The following ACSBG2 variants were observed in gnomAD, a reference collection of about 807,000 sequenced individuals.
ACSBG2 encodes the protein long-chain-fatty-acid--CoA ligase ACSBG2.
In ACSBG2, 62 loss-of-function variants were observed where a neutral mutation model predicts 74.7. That is an observed-to-expected ratio of 0.83 (90% confidence interval 0.68 to 1.03). The LOEUF is 1.03. Among genes scored for constraint, ACSBG2 ranks in the 50% least tolerant of loss-of-function variants. ACSBG2 has a pLI of 0.00. For missense variants in ACSBG2, 730 were observed against 817.6 expected (o/e 0.89, Z 1.31); for synonymous variants, 309 against 294.1 (o/e 1.05, Z -0.52).
intron 10 of ACSBG2, among the ~76,000 whole-genome samples, chr19:6,184,929 T>C (rs1290214418): frequency 6.7e-6 from 1 of 148,900 alleles, no homozygotes; most frequent in Non-Finnish European, 1.5e-5. Flanking sequence ...TTTGTTTTTG[T>C]TTTTGTTTTT....
At chr19:6,190,808 T>TACAAAC in intron 14 of ACSBG2, 116 bp downstream of exon 14, 1 of 387,396 alleles carries the variant, frequency 2.6e-6, no homozygotes, top group Non-Finnish European at 4.7e-6. Context: ...CATACACACA[T>TACAAAC]ACATACACAC....
rs1329817957 is a variant in ACSBG2, at chr19:6,180,935, C to T, written c.907-1816C>T. 4.0e-5 allele frequency among the ~76,000 whole-genome samples: 6 copies of T among 151,628 alleles called. No individual in the cohort carries two copies. The highest frequency in any genetic ancestry group is 4.8e-5 in the African/African-American group (2 of 41,262). On this transcript the variant is annotated intron_variant, in intron 8 of 14. Coordinates refer to ENST00000588485, the MANE Select transcript of ACSBG2 (RefSeq NM_030924.5). The surrounding 1 kb of genome is among the most constrained non-coding windows in gnomAD (Gnocchi z 4.3). ...AGTAAAAGCCAGGCACGGCGGCTCA[C>T]GCCTGTAATCCCAGTACTTTGGGAG... is the stretch of plus-strand genomic sequence containing the variant.
intron 13 of ACSBG2, chr19:6,190,299 T>C (rs1166889365): frequency 2.8e-6 from 1 of 360,250 alleles, no homozygotes; most frequent in Non-Finnish European, 5.3e-6. Flanking sequence ...GGGTATGGTT[T>C]GAGATGATGA....
At chr19:6,172,941 C>A (rs193282223) in intron 7 of ACSBG2, among the ~76,000 whole-genome samples, 1 of 152,276 alleles carries the variant, frequency 6.6e-6, no homozygotes, top group East Asian at 1.9e-4. Context: ...CTCTATCACA[C>A]CCCTGTCATG....
chr19:6,159,850 T>A (rs966410705), intron 5 of ACSBG2, among the ~76,000 whole-genome samples: 2 of 152,166 alleles, frequency 1.3e-5, no homozygotes, highest in Non-Finnish European at 2.9e-5. Flanking sequence ...CATCCTGGAC[T>A]TTTTGTATCC....
intron 6 of ACSBG2, among the ~76,000 whole-genome samples, chr19:6,165,499 C>A (rs796405772): frequency 6.6e-6 from 1 of 152,186 alleles, no homozygotes; most frequent in Non-Finnish European, 1.5e-5. Context: ...GGGAAGGCAG[C>A]GAACAAATAA....
chr19:6,163,734 G>A (rs2089703576), intron 6 of ACSBG2, among the ~76,000 whole-genome samples: 1 of 143,430 alleles, frequency 7.0e-6, no homozygotes, highest in Non-Finnish European at 1.5e-5. Context: ...CAGCCTGGGC[G>A]ACAGAGCAAG....
chr19:6,183,500 C>T (rs1431822533), intron 10 of ACSBG2, among the ~76,000 whole-genome samples: 2 of 152,182 alleles, frequency 1.3e-5, no homozygotes, highest in Non-Finnish European at 2.9e-5. Flanking sequence ...CCATGGTCTC[C>T]CCGTTTGTCA....
At chr19:6,158,094 C>T (rs1254322268) in intron 5 of ACSBG2, among the ~76,000 whole-genome samples, 1 of 147,492 alleles carries the variant, frequency 6.8e-6, no homozygotes, top group African/African-American at 2.5e-5. Flanking sequence ...CTCGCTCTGT[C>T]GCCCAGGTTG....
chr19:6,190,849 ACACT>A (rs1469070649), intron 14 of ACSBG2, 157 bp downstream of exon 14: 176 of 546,152 alleles, frequency 3.2e-4, no homozygotes, highest in Middle Eastern at 5.0e-4. Context: ...ACACACACAC[ACACT>A]CTTAGTTGCA....
At chr19:6,163,120 C>T (rs914854289) in intron 6 of ACSBG2, among the ~76,000 whole-genome samples, 2 of 105,690 alleles carry the variant, frequency 1.9e-5, no homozygotes, top group South Asian at 3.1e-4. Context: ...ACTAAAAATA[C>T]AAATAATAAT....
At chr19:6,153,880 A>AAAG (rs55724971) in intron 4 of ACSBG2, among the ~76,000 whole-genome samples, 2 of 107,696 alleles carry the variant, frequency 1.9e-5, no homozygotes, top group Admixed American at 2.4e-4. Flanking sequence ...AAAGAAAAGA[A>AAAG]AAGGAAAAGA....
In ACSBG2 at chr19:6,183,045, T is replaced by C; in HGVS notation, c.1095T>C (p.Tyr365=). 6.2e-7 allele frequency: 1 copy of C among 1,614,148 alleles called. No individual in the cohort carries two copies. The highest frequency in any genetic ancestry group is 8.5e-7 in the Non-Finnish European group (1 of 1,180,016). ...ACGGCATTCTTATTCACAGGAAATA[T>C]AATACTCCCGTGAGCTACCGCATGG... ...KVNSKKMLGK[Y]NTPVSYRMAK... Residue 365 remains tyrosine (Y), a synonymous_variant, in exon 10 of 15, where the codon TAT becomes TAC. Coordinates refer to ENST00000588485, the MANE Select transcript of ACSBG2 (RefSeq NM_030924.5).
intron 5 of ACSBG2, among the ~76,000 whole-genome samples, chr19:6,160,160 G>A (rs962967994): frequency 2.0e-5 from 3 of 152,078 alleles, no homozygotes; most frequent in African/African-American, 7.2e-5. Context: ...GGAGGCTGAG[G>A]TGGGCGGATC....
chr19:6,187,233 G>A lies in ACSBG2; in HGVS notation c.1541-50G>A, dbSNP rs770195092. ...TTGGCCAGGCTGGTCTCAAACTGGG[G>A]GTTCCACGTTGTCATGGCTGGACAT... is the stretch of plus-strand genomic sequence containing the variant. On this transcript the variant is annotated intron_variant, in intron 11 of 14. Coordinates refer to ENST00000588485, the MANE Select transcript of ACSBG2 (RefSeq NM_030924.5). The A allele has an allele frequency of 6.2e-6, 10 of 1,610,106 alleles. No homozygotes were observed. In the East Asian group the frequency reaches 2.0e-4, roughly 32 times the overall value.
intron 4 of ACSBG2, 39 bp downstream of exon 4, chr19:6,151,834 G>A: frequency 6.4e-7 from 1 of 1,551,198 alleles, no homozygotes; most frequent in African/African-American, 1.4e-5. Context: ...GGGTTAAGGA[G>A]CCGCTACCCT....
chr19:6,172,345 G>A (rs1362460737), intron 7 of ACSBG2, among the ~76,000 whole-genome samples: 1 of 152,128 alleles, frequency 6.6e-6, no homozygotes, highest in East Asian at 1.9e-4. Flanking sequence ...TCTATTGTTT[G>A]GATGGGGCTT....
chr19:6,166,004 A>G lies in ACSBG2; in HGVS notation c.727A>G (p.Ser243Gly), dbSNP rs1339282874. The change falls in exon 7 of 15, where the codon AGT becomes GGT. Residue 243 changes from serine to glycine, a missense_variant. Coordinates refer to ENST00000588485, the MANE Select transcript of ACSBG2 (RefSeq NM_030924.5). ...AGGCATACCCAAGGGAGTGATGCTC[A>G]GTCATGACAACGTACGCCAAAGTCC... The part of the protein sequence containing the change: ...TTGIPKGVML[S>G]HDNITWIAGA... The G allele has an allele frequency of 6.2e-7, 1 of 1,613,882 alleles. No individual in the cohort carries two copies. The highest frequency in any genetic ancestry group is 1.3e-5 in the African/African-American group (1 of 74,922).
intron 2 of ACSBG2, among the ~76,000 whole-genome samples, chr19:6,146,132 G>A (rs201378168): frequency 1.3e-5 from 2 of 152,208 alleles, no homozygotes; most frequent in African/African-American, 2.4e-5. Context: ...GGGTGTTTAA[G>A]GGTAAATGGA....
Sources: allele counts gnomAD v4.1 joint callset (sites outside exome capture counted in the v4.1 genomes callset), GRCh38; gene constraint gnomAD v4.1.1; non-coding constraint Gnocchi (gnomAD v3.1); transcripts MANE v1.5; gene names NCBI Gene and HGNC (gene_info 2026-07-23, HGNC 2026-07-21).